G6PD: variants seen among roughly 807,000 people sequenced by gnomAD.
G6PD encodes glucose-6-phosphate 1-dehydrogenase.
A neutral mutation model predicts 38.2 loss-of-function variants in G6PD; 2 were observed. That is an observed-to-expected ratio of 0.05 (90% CI 0.02 to 0.16). The LOEUF (loss-of-function observed/expected upper bound fraction) is 0.16. Among genes scored for constraint, G6PD ranks in the 10% least tolerant of loss-of-function variants. The probability of loss-of-function intolerance (pLI) is 1.00; values close to 1 mark genes in which losing one functional copy is unlikely to be tolerated. For missense variants in G6PD, 310 were observed against 471.6 expected, an observed-to-expected ratio of 0.66 and a Z score of 3.17; for synonymous variants, 188 against 196.0, an observed-to-expected ratio of 0.96 and a Z score of 0.34.
intron 8 of G6PD, 131 bp from the exon 9 acceptor site, chrX:154,533,259 GGC>G (rs2070363320): frequency 9.1e-6 from 7 of 765,557 alleles, no homozygotes; most frequent in African/African-American, 2.1e-5. Context: ...CCCTGCCAGA[GGC>G]CCAGCTCAGG....
Position 154,533,002 on chromosome X carries a change from C to T in G6PD, c.991G>A (p.Gly331Arg), listed in dbSNP as rs2070359649. 2.5e-6 allele frequency: 3 copies of T among 1,212,036 alleles called. No individual in the cohort carries two copies. Among genetic ancestry groups the T allele is most frequent in the East Asian group, 5.9e-5 (2 of 33,860 alleles). The change falls in exon 9 of 13, where the codon GGG becomes AGG. Residue 331 changes from glycine to arginine, a missense_variant. Gly to Arg is a moderately radical substitution (Grantham distance 125, BLOSUM62 -2). Transcript: ENST00000393562. The stretch of plus-strand genomic sequence containing the variant: ...GCTGCAAAAGTGGCGGTGGTGGACC[C>T]GCGGGGCACCGTGGGGTCGTCCAGG... ...GYLDDPTVPR[G>R]STTATFAAVV...
chrX:154,533,554 G>C, intron 8 of G6PD, 22 bp downstream of exon 8: 1 of 1,209,916 alleles, frequency 8.3e-7, no homozygotes, highest in South Asian at 1.8e-5. Context: ...CATGCTCCTG[G>C]GGACTGGGGT....
intron 2 of G6PD, among the ~76,000 whole-genome samples, chrX:154,544,591 G>A (rs1188142432): frequency 1.8e-5 from 2 of 112,525 alleles, no homozygotes; most frequent in African/African-American, 6.5e-5. Context: ...CACCGTGCCC[G>A]GCCAGGTATG....
intron 7 of G6PD, 104 bp downstream of exon 7, chrX:154,533,931 G>A (rs1056924045): frequency 1.9e-5 from 23 of 1,201,770 alleles, no homozygotes; most frequent in Non-Finnish European, 2.4e-5. Flanking sequence ...GTTTTGAACT[G>A]CAGGGTGAGG....
chrX:154,533,870 T>C, intron 7 of G6PD, 165 bp downstream of exon 7: 7 of 1,197,240 alleles, frequency 5.8e-6, no homozygotes, highest in Non-Finnish European at 7.9e-6. Context: ...GGTGCTTGGC[T>C]GTGTAGGGGT....
At chrX:154,536,468 G>C (rs2070409730) in intron 2 of G6PD, among the ~76,000 whole-genome samples, 1 of 112,316 alleles carries the variant, frequency 8.9e-6, no homozygotes, top group African/African-American at 3.2e-5. Context: ...ACATTTGTGA[G>C]ACGTGACCTC....
intron 2 of G6PD, chrX:154,541,526 T>A (rs1431056376): frequency 8.9e-6 from 1 of 112,229 alleles, no homozygotes; most frequent in Admixed American, 9.5e-5. Flanking sequence ...CTGGCTGCGA[T>A]GCTCTAGTGG....
intron 2 of G6PD, chrX:154,541,112 A>T (rs1482541072): frequency 9.0e-6 from 1 of 111,496 alleles, no homozygotes; most frequent in East Asian, 2.8e-4. Flanking sequence ...AACGGAAAGA[A>T]CCACAGCCTG....
chrX:154,546,756 C>G, intron 1 of G6PD, 33 bp downstream of exon 1: 4 of 1,115,107 alleles, frequency 3.6e-6, no homozygotes, highest in Non-Finnish European at 4.8e-6. Flanking sequence ...CAGTACGCTC[C>G]TCCGCCTGCG....
chrX:154,533,519 C>T (rs947021060), intron 8 of G6PD, 57 bp downstream of exon 8: 42 of 1,183,693 alleles, frequency 3.5e-5, no homozygotes, highest in Non-Finnish European at 4.5e-5. Context: ...CTCAGTGCCT[C>T]GTCACAGATG....
In G6PD at chrX:154,532,714, G is replaced by A; in HGVS notation, c.1140C>T (p.Ile380=). 1.6e-6 allele frequency: 2 copies of A among 1,212,215 alleles called. No homozygotes were observed. The highest frequency in any genetic ancestry group is 1.1e-6 in the Non-Finnish European group (1 of 895,548). Residue 380 remains isoleucine, a synonymous_variant, in exon 10 of 13, where the codon ATC becomes ATT. Coordinates refer to ENST00000393562, the MANE Select transcript of G6PD (RefSeq NM_001360016.2). ...CGTTGCGCTTGCACTGCTGGTGGAA[G>A]ATGTCGCCGGCCACATCATGGAACT... ...RLQFHDVAGD[I]FHQQCKRNEL... is the part of the protein sequence containing the mutation.
Position 154,532,807 on chromosome X carries a change from G to A in G6PD, c.1052-5C>T, listed in dbSNP as rs1557229770. 6 of 1,205,801 alleles carry A rather than the reference G, an allele frequency of 5.0e-6. No homozygotes were observed. Among genetic ancestry groups the A allele is most frequent in the South Asian group, 3.6e-5 (2 of 56,318 alleles). On this transcript the variant is annotated splice_polypyrimidine_tract_variant and splice_region_variant and intron_variant, in intron 9 of 12. Coordinates refer to ENST00000393562, the MANE Select transcript of G6PD (RefSeq NM_001360016.2). ...AGCGCAGGATGAAGGGCACCCCTAC[G>A]TGGCGGAAAGGGCAGCCTCAGCACC...
rs398123549 is a variant in G6PD, at chrX:154,534,437, C to T, written c.545G>A (p.Arg182Gln). 17 of 1,209,703 alleles carry T rather than the reference C, an allele frequency of 1.4e-5. No homozygotes were observed. Among genetic ancestry groups the T allele is most frequent in the South Asian group, 1.2e-4 (7 of 56,838 alleles). The change falls in exon 6 of 13, where the codon CGG (arginine) becomes CAG (glutamine). Residue 182 changes from arginine to glutamine, a missense_variant. This residue lies in a region of G6PD where 96 missense variants were observed against 93.3 expected (regional missense o/e 1.03). Coordinates refer to ENST00000393562, the MANE Select transcript of G6PD (RefSeq NM_001360016.2). ...PFGRDLQSSD[R>Q]LSNHISSLFR... is the part of the protein sequence containing the mutation. Reference sequence around the variant, plus strand: ...CAGGGAGGAGATGTGGTTGGACAGCCGGTCAGAGCTCTGCAGGTCCCTCCC... The same window carrying T: ...CAGGGAGGAGATGTGGTTGGACAGCTGGTCAGAGCTCTGCAGGTCCCTCCC...
chrX:154,534,609 C>G, intron 5 of G6PD, 113 bp from the exon 6 acceptor site: 1 of 925,138 alleles, frequency 1.1e-6, no homozygotes. Context: ...AACCTCCTCG[C>G]CCCCGTGGCC....
rs1315175873 is a variant in G6PD, at chrX:154,532,660, C to T, written c.1194G>A (p.Glu398=). The T allele has an allele frequency of 7.4e-6, 9 of 1,211,256 alleles. No individual in the cohort carries two copies. Among genetic ancestry groups the T allele is most frequent in the Non-Finnish European group, 8.9e-6 (8 of 895,486 alleles). The change falls in exon 10 of 13, where the codon GAG becomes GAA. Residue 398 remains glutamate, a synonymous_variant. Coordinates refer to ENST00000393562, the MANE Select transcript of G6PD (RefSeq NM_001360016.2). ...TGGTCATCATCTTGGTGTACACGGC[C>T]TCGTTGGGCTGCACGCGGATCACCA... ...NELVIRVQPN[E]AVYTKMMTKK...
intron 7 of G6PD, 64 bp downstream of exon 7, chrX:154,533,971 C>T: frequency 2.5e-6 from 3 of 1,207,647 alleles, no homozygotes; most frequent in Non-Finnish European, 3.4e-6. Flanking sequence ...GGAAGAGTAG[C>T]CCTGCAGGGT....
chrX:154,547,344 C>T (rs1557233858), upstream of G6PD: 1 of 754,303 alleles, frequency 1.3e-6, no homozygotes, highest in East Asian at 1.5e-4. Flanking sequence ...GCAGTCTCTT[C>T]TTGATTCCTC....
In G6PD at chrX:154,534,454, G is replaced by A; in HGVS notation, c.528C>T (p.Asp176=). 1 of 1,211,769 alleles carries A rather than the reference G, an allele frequency of 8.3e-7. No individual in the cohort carries two copies. The highest frequency in any genetic ancestry group is 1.8e-5 in the South Asian group (1 of 57,014). Residue 176 remains aspartate, a synonymous_variant, in exon 6 of 13, where the codon GAC becomes GAT. Coordinates refer to ENST00000393562, the MANE Select transcript of G6PD (RefSeq NM_001360016.2). ...RIIVEKPFGR[D]LQSSDRLSNH... ...TGGACAGCCGGTCAGAGCTCTGCAGGTCCCTCCCGAAGGGCTTCTCCACGA... is the reference window on the plus strand; with the variant it reads ...TGGACAGCCGGTCAGAGCTCTGCAGATCCCTCCCGAAGGGCTTCTCCACGA...
At chrX:154,533,476 G>A (rs1318051561) in intron 8 of G6PD, 100 bp downstream of exon 8, 28 of 1,066,669 alleles carry the variant, frequency 2.6e-5, no homozygotes, top group Non-Finnish European at 3.1e-5. Flanking sequence ...CTTCTCCGGG[G>A]TTGAGGACAC....
Sources: gnomAD v4.1 joint callset for allele counts (sites outside exome capture counted in the v4.1 genomes callset) on GRCh38, gnomAD v4.1.1 for gene constraint, gnomAD v4.1.1 regional missense constraint, MANE v1.5 for transcripts, NCBI Gene and HGNC (gene_info 2026-07-23, HGNC 2026-07-21) for gene names.